KCNH1: variants seen among roughly 807,000 people sequenced by gnomAD.
KCNH1 encodes voltage-gated delayed rectifier potassium channel KCNH1.
In KCNH1, 27 loss-of-function variants were observed where a neutral mutation model predicts 69.2. That is an observed-to-expected ratio of 0.39 (90% CI 0.29 to 0.54). The LOEUF (loss-of-function observed/expected upper bound fraction) is 0.54. Ranked by LOEUF, KCNH1 falls within the 20% of genes least tolerant of loss-of-function variation. The pLI is 0.68. For synonymous variants in KCNH1, 456 were observed against 487.7 expected, an observed-to-expected ratio of 0.93 and a Z score of 0.86; for missense variants, 798 against 1,261.6, an observed-to-expected ratio of 0.63 and a Z score of 5.57.
chr1:210,760,974 C>T (rs577695561), intron 10 of KCNH1, among the ~76,000 whole-genome samples: 15 of 152,180 alleles, frequency 9.9e-5, no homozygotes, highest in Admixed American at 2.6e-4. Flanking sequence ...ATGTAAAGGC[C>T]GGGCGCGGTG....
chr1:210,838,672 C>CA (rs1685337966), intron 7 of KCNH1, among the ~76,000 whole-genome samples: 1 of 152,086 alleles, frequency 6.6e-6, no homozygotes, highest in African/African-American at 2.4e-5. Context: ...ATCCATCTGA[C>CA]AAAGGTCTAA....
rs536206739 is a variant in KCNH1, at chr1:210,866,206, G to C, written c.1462+53434C>G. ...GGCAAATCTTTATGACCCTGAGTTA[G>C]GCAAAGCCTTTTTAATTGTGACACC... On this transcript the variant is annotated intron_variant, in intron 7 of 10. Coordinates refer to ENST00000271751, the MANE Select transcript of KCNH1 (RefSeq NM_172362.3). Among the ~76,000 whole-genome samples the C allele has an allele frequency of 2.0e-5, 3 of 152,200 alleles. No homozygotes were observed. In the East Asian group the frequency reaches 5.8e-4, roughly 29 times the overall value.
chr1:210,825,838 G>T (rs2102432233), intron 7 of KCNH1, among the ~76,000 whole-genome samples: 1 of 152,276 alleles, frequency 6.6e-6, no homozygotes, highest in Non-Finnish European at 1.5e-5. Context: ...GTGCGTATAG[G>T]CATTTATTAT....
At chr1:211,026,931 C>A (rs1207018927) in intron 5 of KCNH1, among the ~76,000 whole-genome samples, 1 of 152,158 alleles carries the variant, frequency 6.6e-6, no homozygotes, top group African/African-American at 2.4e-5. Flanking sequence ...ATGTTTACCC[C>A]AACCTGGCAA....
intron 7 of KCNH1, among the ~76,000 whole-genome samples, chr1:210,881,634 G>C (rs1385395746): frequency 6.6e-6 from 1 of 152,150 alleles, no homozygotes; most frequent in Non-Finnish European, 1.5e-5. Context: ...GAAGCAACCA[G>C]GATGTCCTTC....
intron 8 of KCNH1, among the ~76,000 whole-genome samples, chr1:210,798,546 C>T (rs1198469633): frequency 6.6e-6 from 1 of 152,130 alleles, no homozygotes; most frequent in Non-Finnish European, 1.5e-5. Context: ...GGGTTTTATT[C>T]CAAGTATGAT....
chr1:210,977,848 T>C (rs994013893), intron 6 of KCNH1, among the ~76,000 whole-genome samples: 2 of 152,192 alleles, frequency 1.3e-5, no homozygotes, highest in Non-Finnish European at 2.9e-5. Context: ...GTATACAATG[T>C]GTAATGATCA....
chr1:211,083,103 C>T (rs1039212315), intron 4 of KCNH1, among the ~76,000 whole-genome samples: 1 of 152,256 alleles, frequency 6.6e-6, no homozygotes, highest in Non-Finnish European at 1.5e-5. Context: ...TGCACTTTCA[C>T]TTCATCCTAA....
chr1:211,029,672 TAATC>T (rs1358753710), intron 5 of KCNH1, among the ~76,000 whole-genome samples: 1 of 152,140 alleles, frequency 6.6e-6, no homozygotes, highest in Admixed American at 6.6e-5. Context: ...TCACAATTCT[TAATC>T]AACACAGTAC....
chr1:211,116,004 C>T lies in KCNH1; in HGVS notation c.80-8627G>A, dbSNP rs114434764. Among the ~76,000 whole-genome samples, 182 of 151,978 alleles carry T rather than the reference C, an allele frequency of 1.2e-3. 3 individuals carry two copies. Among genetic ancestry groups the T allele is most frequent in the African/African-American group, 4.3e-3 (178 of 41,468 alleles). Reference sequence around the variant, plus strand: ...TTTAAAAATTAGCCGGGCACAATGGCATGTGCCCATAGTCCCAGATACTCG... The same window carrying T: ...TTTAAAAATTAGCCGGGCACAATGGTATGTGCCCATAGTCCCAGATACTCG... On this transcript the variant is annotated intron_variant, in intron 1 of 10. Coordinates refer to ENST00000271751, the MANE Select transcript of KCNH1 (RefSeq NM_172362.3).
At position 210,922,325 on chromosome 1, in the gene KCNH1, G is replaced by A. The variant is rs529332572; in HGVS notation, c.1033-2256C>T. Among the ~76,000 whole-genome samples the A allele has an allele frequency of 4.9e-5, 7 of 142,708 alleles. No homozygotes were observed. In the South Asian group the frequency reaches 1.3e-3, roughly 27 times the overall value. 93.6% of individuals were successfully genotyped at this position (142,708 alleles called of 152,430 possible). A position where few individuals can be genotyped will look rare whatever the true frequency, so the allele number is the denominator to read the frequency against. On this transcript the variant is annotated intron_variant, in intron 6 of 10. Coordinates refer to ENST00000271751, the MANE Select transcript of KCNH1 (RefSeq NM_172362.3). Reference sequence around the variant, plus strand: ...TGAACCTGGGAGGCAGAGCTTGCATGGTGAGCTGAGATCGTGCCACTGCAC... The same window carrying A: ...TGAACCTGGGAGGCAGAGCTTGCATAGTGAGCTGAGATCGTGCCACTGCAC...
intron 6 of KCNH1, among the ~76,000 whole-genome samples, chr1:210,956,739 T>G (rs1468124663): frequency 4.6e-5 from 7 of 152,150 alleles, no homozygotes; most frequent in Non-Finnish European, 2.9e-5. Flanking sequence ...AGTTTGTATT[T>G]CTGTGGGATT....
chr1:210,967,207 A>T (rs559856162), intron 6 of KCNH1, among the ~76,000 whole-genome samples: 1 of 152,130 alleles, frequency 6.6e-6, no homozygotes, highest in Non-Finnish European at 1.5e-5. Context: ...TAGCATTAGG[A>T]GGAATACATA....
chr1:210,720,709 C>T (rs546396656), intron 10 of KCNH1, among the ~76,000 whole-genome samples: 9 of 152,118 alleles, frequency 5.9e-5, no homozygotes, highest in Non-Finnish European at 1.3e-4. Flanking sequence ...CATCACATTG[C>T]GTCACCTGTT....
At chr1:210,903,649 AG>A (rs1687041167) in intron 7 of KCNH1, among the ~76,000 whole-genome samples, 1 of 152,228 alleles carries the variant, frequency 6.6e-6, no homozygotes, top group Non-Finnish European at 1.5e-5. Flanking sequence ...CATCATCAAA[AG>A]ATTAAGATCC....
intron 3 of KCNH1, among the ~76,000 whole-genome samples, chr1:211,092,499 AT>A (rs1212509659): frequency 1.3e-5 from 2 of 152,142 alleles, no homozygotes; most frequent in Non-Finnish European, 2.9e-5. Context: ...TCTTTGCATA[AT>A]TTTTAGCTGC....
chr1:210,773,691 C>A (rs1253673131), intron 10 of KCNH1, among the ~76,000 whole-genome samples: 1 of 152,186 alleles, frequency 6.6e-6, no homozygotes, highest in African/African-American at 2.4e-5. Flanking sequence ...GACAATTAAT[C>A]CTTGACTCCC....
At chr1:210,756,439 G>A (rs1014808386) in intron 10 of KCNH1, among the ~76,000 whole-genome samples, 6 of 152,208 alleles carry the variant, frequency 3.9e-5, no homozygotes, top group Non-Finnish European at 7.3e-5. Context: ...TGCAAGAAGT[G>A]TGCCAGGAAA....
chr1:210,704,490 T>C (rs1301423901), intron 10 of KCNH1, among the ~76,000 whole-genome samples: 1 of 152,176 alleles, frequency 6.6e-6, no homozygotes, highest in East Asian at 1.9e-4. Context: ...AACTATCCCA[T>C]GAAGACAGCC....
Sources: allele counts gnomAD v4.1 joint callset (sites outside exome capture counted in the v4.1 genomes callset), GRCh38; gene constraint gnomAD v4.1.1; transcripts MANE v1.5; gene names NCBI Gene and HGNC (gene_info 2026-07-23, HGNC 2026-07-21).